The following LRP1B variants were observed in gnomAD, a reference collection of about 807,000 sequenced individuals.
LRP1B encodes the protein LDL receptor related protein 1B.
In LRP1B, 217 loss-of-function variants were observed where a neutral mutation model predicts 556.6. That is an observed-to-expected ratio of 0.39 (90% CI 0.35 to 0.44). LRP1B has a LOEUF of 0.44. Ranked by LOEUF, LRP1B falls within the 20% of genes least tolerant of loss-of-function variation. LRP1B has a pLI of 1.00. For missense variants in LRP1B, 5,053 were observed against 5,620.8 expected (o/e 0.90, Z 3.23); for synonymous variants, 2,047 against 1,865.8 (o/e 1.10, Z -2.50).
At chr2:140,984,321 T>TCTTTTC (rs907349884) in intron 17 of LRP1B, among the ~76,000 whole-genome samples, 1 of 152,006 alleles carries the variant, frequency 6.6e-6, no homozygotes, top group African/African-American at 2.4e-5. Flanking sequence ...CTTTTCTTTT[T>TCTTTTC]CTTTTCCATA....
At chr2:141,046,087 A>G (rs1173014632) in intron 11 of LRP1B, among the ~76,000 whole-genome samples, 1 of 152,162 alleles carries the variant, frequency 6.6e-6, no homozygotes, top group Non-Finnish European at 1.5e-5. Flanking sequence ...AAATCAAATA[A>G]TGAATAAAGA....
chr2:141,216,885 G>A (rs1169719266), intron 6 of LRP1B, among the ~76,000 whole-genome samples: 1 of 152,062 alleles, frequency 6.6e-6, no homozygotes, highest in Non-Finnish European at 1.5e-5. Context: ...TTGTATCTTG[G>A]AAGGAAATAA....
intron 5 of LRP1B, among the ~76,000 whole-genome samples, chr2:141,241,929 TA>T (rs1378294415): frequency 6.6e-6 from 1 of 150,874 alleles, no homozygotes; most frequent in Non-Finnish European, 1.5e-5. Context: ...TTTGACTATC[TA>T]AAAAATAATG....
In LRP1B at chr2:140,352,948, C is replaced by A. The variant is rs2105121621; in HGVS notation, c.11650+5G>T. 6.2e-7 allele frequency: 1 copy of A among 1,609,236 alleles called. No homozygotes were observed. ...TAGGATTTGCAATAGTGGTTATAAT[C>A]TTACCTTCTGCTATGCAGGTGTTAT... On this transcript the variant is annotated splice_donor_5th_base_variant and intron_variant, in intron 76 of 90. Transcript: ENST00000389484.
chr2:142,018,107 A>G (rs1319525602), intron 1 of LRP1B, among the ~76,000 whole-genome samples: 1 of 152,216 alleles, frequency 6.6e-6, no homozygotes, highest in Non-Finnish European at 1.5e-5. Flanking sequence ...GATGTGAAAT[A>G]GTTAATGTCC....
intron 11 of LRP1B, among the ~76,000 whole-genome samples, chr2:141,030,152 C>G (rs1347453655): frequency 3.3e-5 from 5 of 152,038 alleles, no homozygotes; most frequent in Non-Finnish European, 1.5e-5. Flanking sequence ...TAAGAATATT[C>G]AGTTATGTTT....
chr2:140,385,152 G>A (rs1683702898), intron 67 of LRP1B, among the ~76,000 whole-genome samples: 3 of 152,052 alleles, frequency 2.0e-5, no homozygotes, highest in Admixed American at 1.3e-4. Context: ...GGTTGAGGTG[G>A]GAGGATCACC....
intron 1 of LRP1B, among the ~76,000 whole-genome samples, chr2:142,031,707 C>T (rs1027057336): frequency 1.1e-4 from 16 of 151,608 alleles, no homozygotes; most frequent in Non-Finnish European, 1.9e-4. Context: ...AAACTCTCTA[C>T]GTCCATTGTT....
intron 3 of LRP1B, among the ~76,000 whole-genome samples, chr2:141,390,286 A>G (rs1248943692): frequency 2.6e-5 from 4 of 152,168 alleles, no homozygotes; most frequent in Non-Finnish European, 5.9e-5. Context: ...AATATTTTTA[A>G]TAAAGAAAAA....
rs577249273 is a variant in LRP1B, at chr2:141,291,653, G to A, written c.344-37012C>T. Among the ~76,000 whole-genome samples the A allele has an allele frequency of 1.4e-3, 216 of 151,924 alleles. 1 individual carries two copies. Among genetic ancestry groups the A allele is most frequent in the Non-Finnish European group, 2.6e-3 (175 of 67,968 alleles). On this transcript the variant is annotated intron_variant, in intron 3 of 90. Coordinates refer to ENST00000389484, the MANE Select transcript of LRP1B (RefSeq NM_018557.3). ...AGGCGGATCACGAGGTCAGGATATC[G>A]AGACCATCCTGGCTAACACGGTGAA...
chr2:142,074,591 T>C (rs1223874066), intron 1 of LRP1B, among the ~76,000 whole-genome samples: 2 of 152,050 alleles, frequency 1.3e-5, no homozygotes, highest in Non-Finnish European at 2.9e-5. Context: ...TCACATTCAA[T>C]ATGTTTCCAG....
At chr2:141,154,843 T>G (rs2105094122) in intron 7 of LRP1B, among the ~76,000 whole-genome samples, 1 of 152,102 alleles carries the variant, frequency 6.6e-6, no homozygotes, top group Middle Eastern at 3.4e-3. Context: ...TTTCTTGTGT[T>G]ATTTTAGTTG....
At chr2:140,596,837 A>C (rs1348529994) in intron 43 of LRP1B, among the ~76,000 whole-genome samples, 3 of 152,168 alleles carry the variant, frequency 2.0e-5, no homozygotes, top group African/African-American at 7.2e-5. Context: ...GGATCATCAT[A>C]ATAATGCCTT....
At chr2:141,388,765 A>G (rs932330232) in intron 3 of LRP1B, among the ~76,000 whole-genome samples, 1 of 152,176 alleles carries the variant, frequency 6.6e-6, no homozygotes, top group Non-Finnish European at 1.5e-5. Context: ...AAAATCTCAA[A>G]GAATTCACAA....
chr2:141,467,091 CATATATATGTGTATATAT>C (rs1559086391), intron 3 of LRP1B, among the ~76,000 whole-genome samples: 4 of 108,274 alleles, frequency 3.7e-5, no homozygotes, highest in East Asian at 3.5e-4. Flanking sequence ...CACACACACA[CATATATATGTGTATATAT>C]ATATATATAT....
chr2:140,294,436 C>T (rs550024550), intron 84 of LRP1B, among the ~76,000 whole-genome samples: 1 of 152,128 alleles, frequency 6.6e-6, no homozygotes, highest in South Asian at 2.1e-4. Flanking sequence ...TGGTTGTAGT[C>T]TCAAAAAGAT....
chr2:140,419,939 C>T (rs941836396), intron 66 of LRP1B, among the ~76,000 whole-genome samples: 15 of 147,444 alleles, frequency 1.0e-4, no homozygotes, highest in East Asian at 4.1e-4. Flanking sequence ...ACCCAGGAAG[C>T]GGAGCTTGCA....
intron 8 of LRP1B, among the ~76,000 whole-genome samples, chr2:141,061,339 C>T (rs925553945): frequency 2.0e-5 from 3 of 151,780 alleles, no homozygotes; most frequent in Non-Finnish European, 4.4e-5. Context: ...AAGAGATTCA[C>T]ATATTTCAGC....
chr2:141,318,017 C>CAACAA (rs1273174151), intron 3 of LRP1B, among the ~76,000 whole-genome samples: 1 of 151,946 alleles, frequency 6.6e-6, no homozygotes, highest in Non-Finnish European at 1.5e-5. Flanking sequence ...GCAGTCAAAA[C>CAACAA]AACAAAACAA....
Sources: allele counts gnomAD v4.1 joint callset (sites outside exome capture counted in the v4.1 genomes callset), GRCh38; gene constraint gnomAD v4.1.1; transcripts MANE v1.5; gene names NCBI Gene and HGNC (gene_info 2026-07-23, HGNC 2026-07-21).